The following ST6GALNAC3 variants were observed in gnomAD, a reference collection of about 807,000 sequenced individuals.
ST6GALNAC3 encodes the protein ST6 N-acetylgalactosaminide alpha-2,6-sialyltransferase 3.
ST6GALNAC3 carries 25 observed loss-of-function variants against 32.7 expected under a neutral mutation model. That is an observed-to-expected ratio of 0.76 (90% CI 0.56 to 1.07). The LOEUF is 1.07. Ranked by LOEUF, ST6GALNAC3 falls within the 50% of genes least tolerant of loss-of-function variation. ST6GALNAC3 has a pLI of 0.00. For missense variants in ST6GALNAC3, 355 were observed against 382.4 expected, an observed-to-expected ratio of 0.93 and a Z score of 0.60; for synonymous variants, 129 against 133.1, an observed-to-expected ratio of 0.97 and a Z score of 0.21.
chr1:76,118,241 T>G (rs1448850518), intron 1 of ST6GALNAC3, among the ~76,000 whole-genome samples: 2 of 152,236 alleles, frequency 1.3e-5, no homozygotes, highest in Non-Finnish European at 2.9e-5. Context: ...CATGCGGTGT[T>G]GGGTTTTCTG....
At chr1:76,426,533 G>T (rs1655398355) in intron 3 of ST6GALNAC3, among the ~76,000 whole-genome samples, 1 of 150,728 alleles carries the variant, frequency 6.6e-6, no homozygotes, top group South Asian at 2.1e-4. Context: ...CCTGCCTGCA[G>T]CTGTTTTACA....
intron 2 of ST6GALNAC3, among the ~76,000 whole-genome samples, chr1:76,334,728 G>C (rs956411612): frequency 6.6e-6 from 1 of 152,140 alleles, no homozygotes; most frequent in African/African-American, 2.4e-5. Context: ...TGAAACCCTA[G>C]AAAGTATAAT....
intron 3 of ST6GALNAC3, among the ~76,000 whole-genome samples, chr1:76,506,510 G>GCT (rs1210812586): frequency 2.0e-5 from 3 of 152,192 alleles, no homozygotes; most frequent in Non-Finnish European, 4.4e-5. Flanking sequence ...CCTAGGTTGT[G>GCT]CCACATGCTC....
intron 1 of ST6GALNAC3, among the ~76,000 whole-genome samples, chr1:76,285,114 A>G (rs1408744188): frequency 5.3e-5 from 8 of 152,182 alleles, no homozygotes. Flanking sequence ...AAATGATCAC[A>G]TAGAGAATTC....
At chr1:76,210,396 G>T (rs370348732) in intron 1 of ST6GALNAC3, among the ~76,000 whole-genome samples, 2 of 152,098 alleles carry the variant, frequency 1.3e-5, no homozygotes, top group Non-Finnish European at 2.9e-5. Context: ...CTATTTAGCA[G>T]GTGTTTCCTG....
At chr1:76,299,408 T>C (rs2392035) in intron 1 of ST6GALNAC3, among the ~76,000 whole-genome samples, 11,086 of 152,098 alleles carry the variant, frequency 0.073, 497 homozygotes, top group East Asian at 0.25. Context: ...CAGATACAGC[T>C]TCCAGTTTTC....
At chr1:76,231,129 C>T (rs2100637568) in intron 1 of ST6GALNAC3, among the ~76,000 whole-genome samples, 1 of 152,226 alleles carries the variant, frequency 6.6e-6, no homozygotes, top group South Asian at 2.1e-4. Flanking sequence ...GAACCCAGAG[C>T]TGGGATGAAT....
chr1:76,358,212 G>T (rs1649645480), intron 2 of ST6GALNAC3, among the ~76,000 whole-genome samples: 1 of 152,024 alleles, frequency 6.6e-6, no homozygotes, highest in Non-Finnish European at 1.5e-5. Context: ...ATTAATCGAT[G>T]CTTGTGGCTT....
At chr1:76,617,186 A>T (rs557357260) in intron 3 of ST6GALNAC3, among the ~76,000 whole-genome samples, 1 of 152,306 alleles carries the variant, frequency 6.6e-6, no homozygotes, top group East Asian at 1.9e-4. Flanking sequence ...TGTCAGAATA[A>T]GTTTGGGTCT....
At chr1:76,094,203 T>A (rs1387713923) in intron 1 of ST6GALNAC3, among the ~76,000 whole-genome samples, 1 of 152,002 alleles carries the variant, frequency 6.6e-6, no homozygotes, top group East Asian at 1.9e-4. Context: ...GGACAGAGTG[T>A]TCATCTATGG....
intron 2 of ST6GALNAC3, among the ~76,000 whole-genome samples, chr1:76,393,920 CA>C (rs145345494): frequency 6.6e-6 from 1 of 152,046 alleles, no homozygotes; most frequent in Admixed American, 6.5e-5. Context: ...TGGAGAGAAA[CA>C]AAGAGTCTAG....
intron 3 of ST6GALNAC3, among the ~76,000 whole-genome samples, chr1:76,574,030 A>T (rs1319931746): frequency 6.6e-6 from 1 of 152,156 alleles, no homozygotes; most frequent in African/African-American, 2.4e-5. Context: ...CTATTTAGAT[A>T]GTAGAAACAC....
At chr1:76,418,216 T>C (rs1013880008) in intron 3 of ST6GALNAC3, among the ~76,000 whole-genome samples, 7 of 152,104 alleles carry the variant, frequency 4.6e-5, no homozygotes, top group African/African-American at 1.7e-4. Context: ...CGTGGTCAAG[T>C]GTAGAGATGA....
chr1:76,305,879 G>A (rs1308175115), intron 1 of ST6GALNAC3: 1 of 517,300 alleles, frequency 1.9e-6, no homozygotes, highest in South Asian at 1.4e-5. Context: ...TGGAGAAAAT[G>A]GTAAAGATGA....
chr1:76,194,090 G>A (rs1473959280), intron 1 of ST6GALNAC3, among the ~76,000 whole-genome samples: 1 of 152,126 alleles, frequency 6.6e-6, no homozygotes, highest in Non-Finnish European at 1.5e-5. Context: ...GATCATCTCT[G>A]TTATACAGAT....
chr1:76,096,516 C>T (rs144753394), intron 1 of ST6GALNAC3, among the ~76,000 whole-genome samples: 6 of 151,926 alleles, frequency 3.9e-5, no homozygotes, highest in South Asian at 2.1e-4. Flanking sequence ...CAGTCCTTCA[C>T]GCTGTAAAGC....
At chr1:76,506,887 G>A (rs1210711309) in intron 3 of ST6GALNAC3, among the ~76,000 whole-genome samples, 1 of 152,208 alleles carries the variant, frequency 6.6e-6, no homozygotes, top group African/African-American at 2.4e-5. Flanking sequence ...TTGACATAGT[G>A]GAGTGGAGCC....
intron 2 of ST6GALNAC3, among the ~76,000 whole-genome samples, chr1:76,350,591 G>A (rs1648895166): frequency 6.6e-6 from 1 of 152,096 alleles, no homozygotes; most frequent in Non-Finnish European, 1.5e-5. Flanking sequence ...AATAAGATGG[G>A]TAAATGTGTG....
At chr1:76,364,375 C>A (rs1410666540) in intron 2 of ST6GALNAC3, among the ~76,000 whole-genome samples, 2 of 151,962 alleles carry the variant, frequency 1.3e-5, no homozygotes, top group African/African-American at 2.4e-5. Flanking sequence ...ATGGCAAAAA[C>A]CCCATCTCTA....
Sources: allele counts gnomAD v4.1 joint callset (sites outside exome capture counted in the v4.1 genomes callset), GRCh38; gene constraint gnomAD v4.1.1; transcripts MANE v1.5; gene names NCBI Gene and HGNC (gene_info 2026-07-23, HGNC 2026-07-21).